Variants in RARB observed in about 807,000 individuals in gnomAD.
RARB encodes the protein HBV-activated protein.
In RARB, 17 loss-of-function variants were observed where a neutral mutation model predicts 51.9. The ratio of observed to expected loss-of-function variants is 0.33; its 90% CI spans 0.22 to 0.49. The LOEUF is 0.49. RARB is among the 20% of genes least tolerant of loss of function. RARB has a pLI of 0.99. For synonymous variants in RARB, 215 were observed against 195.4 expected (o/e 1.10, Z -0.84); for missense variants, 369 against 550.8 (o/e 0.67, Z 3.30).
chr3:25,515,230 G>T (rs982316057), intron 3 of RARB, among the ~76,000 whole-genome samples: 1 of 152,188 alleles, frequency 6.6e-6, no homozygotes, highest in Non-Finnish European at 1.5e-5. Context: ...TTGAAGTGTG[G>T]TGCTTTACTC....
chr3:25,032,639 A>T (rs1198942249), intron 2 of RARB, among the ~76,000 whole-genome samples: 1 of 152,214 alleles, frequency 6.6e-6, no homozygotes, highest in Non-Finnish European at 1.5e-5. Flanking sequence ...AGCACTGGTC[A>T]GGCTGTGTGA....
At chr3:24,839,686 G>C (rs540471083) in intron 1 of RARB, among the ~76,000 whole-genome samples, 1 of 106,046 alleles carries the variant, frequency 9.4e-6, no homozygotes, top group South Asian at 3.7e-4. Flanking sequence ...CCTAGGCTAC[G>C]GACCAAGACG....
intron 3 of RARB, among the ~76,000 whole-genome samples, chr3:25,078,076 T>C (rs1575149836): frequency 6.6e-6 from 1 of 152,202 alleles, no homozygotes; most frequent in African/African-American, 2.4e-5. Context: ...TATTTTGAGA[T>C]ATAGTTTGCC....
chr3:24,912,972 A>ATTTTTTTTTTTTTTTTTTTTTTT lies in RARB; in HGVS notation c.-380+54222_-380+54223insTTTTTTTTTTTTTTTTTTTTTTT, dbSNP rs71622787. Among the ~76,000 whole-genome samples, 51 of 57,634 alleles carry ATTTTTTTTTTTTTTTTTTTTTTT rather than the reference A, an allele frequency of 8.8e-4. 1 individual carries two copies. Among genetic ancestry groups the ATTTTTTTTTTTTTTTTTTTTTTT allele is most frequent in the Admixed American group, 2.6e-3 (10 of 3,834 alleles). The allele number at this position is 57,634 out of a possible 152,430, so 37.8% of individuals were successfully genotyped here. A position where few individuals can be genotyped will look rare whatever the true frequency, so the allele number is the denominator to read the frequency against. On this transcript the variant is annotated intron_variant, in intron 2 of 11. Coordinates refer to the RARB transcript ENST00000383772. ...GTGGCAATACGCACACAAGGTACTGATTCTTTTTTTTTTTTTTTTTTTTTT... is the reference window on the plus strand; with the variant it reads ...GTGGCAATACGCACACAAGGTACTGATTTTTTTTTTTTTTTTTTTTTTTTTCTTTTTTTTTTTTTTTTTTTTTT...
intron 6 of RARB, 71 bp downstream of exon 6, chr3:25,593,778 T>A: frequency 6.9e-7 from 1 of 1,455,486 alleles, no homozygotes; most frequent in Non-Finnish European, 9.5e-7. Flanking sequence ...TGTGAAAAAT[T>A]CCTCATTTCC....
At chr3:24,878,494 G>A (rs1017640992) in intron 2 of RARB, among the ~76,000 whole-genome samples, 4 of 152,086 alleles carry the variant, frequency 2.6e-5, no homozygotes, top group Non-Finnish European at 4.4e-5. Context: ...CTCTGAAAAG[G>A]TAGATGGGGC....
intron 5 of RARB, among the ~76,000 whole-genome samples, chr3:25,394,961 TTTCA>T (rs1219144113): frequency 2.0e-5 from 3 of 152,128 alleles, no homozygotes; most frequent in African/African-American, 7.2e-5. Flanking sequence ...GCCTGAATAC[TTTCA>T]TTATTTTTTT....
chr3:24,978,858 A>C (rs967878912), intron 2 of RARB, among the ~76,000 whole-genome samples: 1 of 151,820 alleles, frequency 6.6e-6, no homozygotes, highest in African/African-American at 2.4e-5. Context: ...TGTCTATTTT[A>C]GATCTTTTCT....
chr3:24,943,541 G>T (rs1037232905), intron 2 of RARB, among the ~76,000 whole-genome samples: 1 of 152,170 alleles, frequency 6.6e-6, no homozygotes, highest in Non-Finnish European at 1.5e-5. Flanking sequence ...CTGAGCTTAA[G>T]GAATTACCTA....
chr3:24,858,571 AAGG>A (rs1702677282), intron 1 of RARB: 1 of 152,192 alleles, frequency 6.6e-6, no homozygotes, highest in Non-Finnish European at 1.5e-5. Flanking sequence ...ACGTCATGGA[AAGG>A]AGGTATTGTG....
chr3:25,503,404 G>C (rs1395111974), intron 3 of RARB, among the ~76,000 whole-genome samples: 1 of 152,240 alleles, frequency 6.6e-6, no homozygotes, highest in East Asian at 1.9e-4. Context: ...TGTGGACTCA[G>C]GGAAAATCAG....
intron 2 of RARB, among the ~76,000 whole-genome samples, chr3:24,898,807 G>T (rs148015420): frequency 6.6e-6 from 1 of 152,102 alleles, no homozygotes; most frequent in Non-Finnish European, 1.5e-5. Context: ...TGTCCTTCCT[G>T]TTGCGAAATA....
At chr3:25,376,523 C>T (rs996003276) in intron 5 of RARB, among the ~76,000 whole-genome samples, 6 of 152,190 alleles carry the variant, frequency 3.9e-5, no homozygotes, top group African/African-American at 7.2e-5. Flanking sequence ...CTACGATACA[C>T]GTGCCATTCC....
intron 5 of RARB, among the ~76,000 whole-genome samples, chr3:25,314,667 A>G (rs1043702911): frequency 9.2e-5 from 14 of 152,016 alleles, no homozygotes; most frequent in Non-Finnish European, 1.9e-4. Flanking sequence ...TTTTATATAT[A>G]TACTTTCATT....
intron 3 of RARB, among the ~76,000 whole-genome samples, chr3:25,115,624 CTTT>C (rs936529636): frequency 6.8e-6 from 1 of 147,136 alleles, no homozygotes; most frequent in African/African-American, 2.5e-5. Context: ...CTTCCTTTTT[CTTT>C]TTTTTCCTTT....
At chr3:25,461,167 C>A (rs774351273) in intron 1 of RARB, 26 bp from the exon 2 acceptor site, 3 of 1,464,810 alleles carry the variant, frequency 2.0e-6, no homozygotes, top group Non-Finnish European at 2.8e-6. Flanking sequence ...TCTCTTTTTT[C>A]TCCCTCTACC....
intron 3 of RARB, among the ~76,000 whole-genome samples, chr3:25,063,720 T>C (rs984073274): frequency 1.3e-5 from 2 of 151,560 alleles, no homozygotes; most frequent in African/African-American, 4.9e-5. Flanking sequence ...TTTTTTTTTT[T>C]TTTTTAAAAA....
At chr3:25,451,044 GCCA>G (rs1709172706) in intron 1 of RARB, among the ~76,000 whole-genome samples, 1 of 152,160 alleles carries the variant, frequency 6.6e-6, no homozygotes, top group South Asian at 2.1e-4. Flanking sequence ...CTGAGATCGT[GCCA>G]TGGCATGGCT....
chr3:24,907,106 G>A (rs1416573065), intron 2 of RARB, among the ~76,000 whole-genome samples: 1 of 152,100 alleles, frequency 6.6e-6, no homozygotes, highest in African/African-American at 2.4e-5. Context: ...CCATGTGATA[G>A]GTATTATTCT....
Sources: gnomAD v4.1 joint callset for allele counts (sites outside exome capture counted in the v4.1 genomes callset) on GRCh38, gnomAD v4.1.1 for gene constraint, MANE v1.5 for transcripts, NCBI Gene and HGNC (gene_info 2026-07-23, HGNC 2026-07-21) for gene names.